The following FGD4 variants were observed in gnomAD, a reference collection of about 807,000 sequenced individuals.
The protein encoded by FGD4 is FYVE, RhoGEF and PH domain-containing protein 4.
Under a neutral mutation model 102.0 loss-of-function variants are expected in FGD4, and 42 were observed. The ratio of observed to expected loss-of-function variants is 0.41; its 90% CI spans 0.32 to 0.53. The LOEUF (loss-of-function observed/expected upper bound fraction) is 0.53, where lower values mean the gene tolerates loss of function less well. FGD4 is among the 20% of genes least tolerant of loss of function. The pLI is 0.21. For synonymous variants in FGD4, 380 were observed against 375.7 expected, an observed-to-expected ratio of 1.01 and a Z score of -0.13; for missense variants, 902 against 1,078.2, an observed-to-expected ratio of 0.84 and a Z score of 2.29.
At chr12:32,571,394 G>A (rs1945649576) in intron 2 of FGD4, among the ~76,000 whole-genome samples, 1 of 151,978 alleles carries the variant, frequency 6.6e-6, no homozygotes, top group African/African-American at 2.4e-5. Context: ...GGCGGAGGTT[G>A]CAGTGAGCTG....
chr12:32,629,045 T>C (rs1307253037), intron 14 of FGD4, among the ~76,000 whole-genome samples: 1 of 152,130 alleles, frequency 6.6e-6, no homozygotes, highest in African/African-American at 2.4e-5. Context: ...ACACATGTTA[T>C]ATATTGGTGG....
intron 2 of FGD4, among the ~76,000 whole-genome samples, chr12:32,574,542 C>T (rs551602121): frequency 3.4e-4 from 52 of 152,218 alleles, no homozygotes; most frequent in Non-Finnish European, 3.7e-4. Context: ...CTATGTTAAT[C>T]ACTCCCCCAA....
At chr12:32,554,775 C>T (rs1943958465) in intron 1 of FGD4, among the ~76,000 whole-genome samples, 1 of 152,168 alleles carries the variant, frequency 6.6e-6, no homozygotes, top group African/African-American at 2.4e-5. Flanking sequence ...TCAAAATAAT[C>T]GGGGGGAAGA....
chr12:32,399,775 G>T lies in FGD4; in HGVS notation c.-19G>T. The T allele has an allele frequency of 1.3e-6, 2 of 1,528,600 alleles. No homozygotes were observed. Among genetic ancestry groups the T allele is most frequent in the African/African-American group, 2.8e-5 (2 of 71,850 alleles). 94.7% of individuals were successfully genotyped at this position (1,528,600 alleles called of 1,614,324 possible). The stretch of plus-strand genomic sequence containing the variant: ...ACGGGAGCGGGAGGAGTCGGGGAGC[G>T]GCGGTCGAGCCCGGCAGGATGAGCG... On this transcript the variant is annotated 5_prime_UTR_variant, in exon 1 of 17. Coordinates refer to ENST00000534526, the MANE Select transcript of FGD4 (RefSeq NM_001370298.3).
At chr12:32,483,224 T>G (rs529724772) in intron 1 of FGD4, among the ~76,000 whole-genome samples, 1 of 152,326 alleles carries the variant, frequency 6.6e-6, no homozygotes, top group South Asian at 2.1e-4. Context: ...GTGAGTAAAT[T>G]GATCAGGATC....
rs556702161 is a variant in FGD4 at position 32,625,366 on chromosome 12, T to C, written c.2047-288T>C. On this transcript the variant is annotated intron_variant, in intron 13 of 16. Coordinates refer to ENST00000534526, the MANE Select transcript of FGD4 (RefSeq NM_001370298.3). ...CTCACTGCAAACTCCGCCTCCCGGG[T>C]TCAAGCGATTTTCCTGCCTTAGCCT... Among the ~76,000 whole-genome samples the C allele has an allele frequency of 2.4e-3, 356 of 149,616 alleles. 2 individuals carry two copies. The highest frequency in any genetic ancestry group is 8.2e-3 in the African/African-American group (333 of 40,508).
rs142140425 is a variant in FGD4 at position 32,476,257 on chromosome 12, T to C, written c.166+76298T>C. On this transcript the variant is annotated intron_variant, in intron 1 of 16. Coordinates refer to ENST00000534526, the MANE Select transcript of FGD4 (RefSeq NM_001370298.3). Reference sequence around the variant, plus strand: ...GAGTTTTTGTTATAGCAGAGCCTCCTTTCTGATACCAAATTTTGTTTTGGT... The same window carrying C: ...GAGTTTTTGTTATAGCAGAGCCTCCCTTCTGATACCAAATTTTGTTTTGGT... Among the ~76,000 whole-genome samples the C allele has an allele frequency of 4.4e-3, 666 of 152,346 alleles. 1 individual carries two copies. The highest frequency in any genetic ancestry group is 6.7e-3 in the Non-Finnish European group (458 of 68,022).
chr12:32,439,418 A>G (rs1220324995), intron 1 of FGD4, among the ~76,000 whole-genome samples: 1 of 152,214 alleles, frequency 6.6e-6, no homozygotes, highest in Non-Finnish European at 1.5e-5. Context: ...TGCAGTGAAC[A>G]TGGGGATGCA....
At position 32,600,484 on chromosome 12, in the gene FGD4, A is replaced by G. The variant is rs1201269477; in HGVS notation, c.1102-794A>G. On this transcript the variant is annotated intron_variant, in intron 5 of 16. Transcript: ENST00000534526. ...TGAAGGAATAGACCTCCTTCTGCCT[A>G]CATGTAACAGAATGGCAATTAAGAG... 7 of 1,274,568 alleles carry G rather than the reference A, an allele frequency of 5.5e-6. No individual in the cohort carries two copies. In the East Asian group the frequency reaches 2.3e-4, roughly 42 times the overall value. 79.0% of individuals were successfully genotyped at this position (1,274,568 alleles called of 1,614,324 possible).
intron 1 of FGD4, among the ~76,000 whole-genome samples, chr12:32,507,944 C>A (rs544247730): frequency 6.6e-6 from 1 of 152,282 alleles, no homozygotes; most frequent in Admixed American, 6.5e-5. Context: ...GGACTATTAG[C>A]CCTCAGATTC....
rs1490826047 is a variant in FGD4 at position 32,576,263 on chromosome 12, C to T, written c.320-3C>T. ...AATACTATATTCTATTCTTTTTCTA[C>T]AGTGCCTCCAAAGCCATTACACCTG... On this transcript the variant is annotated splice_region_variant and splice_polypyrimidine_tract_variant and intron_variant, in intron 2 of 16. Transcript: ENST00000534526. 2 of 1,584,586 alleles carry T rather than the reference C, an allele frequency of 1.3e-6. No individual in the cohort carries two copies. The highest frequency in any genetic ancestry group is 1.7e-6 in the Non-Finnish European group (2 of 1,163,272).
chr12:32,578,740 G>T (rs1226486439), intron 3 of FGD4, among the ~76,000 whole-genome samples: 1 of 151,902 alleles, frequency 6.6e-6, no homozygotes, highest in African/African-American at 2.4e-5. Flanking sequence ...TGATGTGAAA[G>T]GATTGCTTGA....
At chr12:32,607,286 C>G (rs1442382312) in intron 7 of FGD4, among the ~76,000 whole-genome samples, 1 of 152,070 alleles carries the variant, frequency 6.6e-6, no homozygotes, top group African/African-American at 2.4e-5. Context: ...AATGCATATT[C>G]TCTAGCTGGG....
intron 1 of FGD4, among the ~76,000 whole-genome samples, chr12:32,460,795 A>G (rs1382979127): frequency 6.6e-6 from 1 of 152,236 alleles, no homozygotes; most frequent in East Asian, 1.9e-4. Flanking sequence ...TGAAATAAAT[A>G]TTGCCATTTT....
rs150966354 is a variant in FGD4 at position 32,493,298 on chromosome 12, A to C, written c.167-70839A>C. ...TTGCTAAGAATGGACTTCTCTTTCA[A>C]GTTTCTTCAGAAAGCATGGAGAAAG... On this transcript the variant is annotated intron_variant, in intron 1 of 16. Transcript: ENST00000534526. Among the ~76,000 whole-genome samples the C allele has an allele frequency of 8.5e-5, 13 of 152,270 alleles. No individual in the cohort carries two copies. The East Asian group carries it at 2.5e-3, about 29-fold the overall frequency.
At chr12:32,459,307 C>A (rs993728724) in intron 1 of FGD4, among the ~76,000 whole-genome samples, 1 of 151,200 alleles carries the variant, frequency 6.6e-6, no homozygotes, top group Non-Finnish European at 1.5e-5. Flanking sequence ...GATTCTCATG[C>A]CTCAGCCTCC....
intron 1 of FGD4, chr12:32,534,369 C>A: frequency 1.4e-6 from 2 of 1,465,274 alleles, no homozygotes; most frequent in South Asian, 1.4e-5. Context: ...AATCTTCAGC[C>A]TCCCTGAAGC....
chr12:32,499,787 A>G (rs1267216003), intron 1 of FGD4, among the ~76,000 whole-genome samples: 1 of 152,222 alleles, frequency 6.6e-6, no homozygotes, highest in Non-Finnish European at 1.5e-5. Flanking sequence ...AGGCTGAGGC[A>G]GGTGGATCAC....
chr12:32,421,883 A>G (rs960090202), intron 1 of FGD4, among the ~76,000 whole-genome samples: 20 of 152,248 alleles, frequency 1.3e-4, no homozygotes, highest in African/African-American at 4.1e-4. Flanking sequence ...GCTCACGTCT[A>G]TAATCCCAGC....
Sources: allele counts gnomAD v4.1 joint callset (sites outside exome capture counted in the v4.1 genomes callset), GRCh38; gene constraint gnomAD v4.1.1; transcripts MANE v1.5; gene names NCBI Gene and HGNC (gene_info 2026-07-23, HGNC 2026-07-21).